The following SLC46A1 variants were observed in gnomAD, a reference collection of about 807,000 sequenced individuals.
The protein encoded by SLC46A1 is proton-coupled folate transporter.
In SLC46A1, 17 loss-of-function variants were observed where a neutral mutation model predicts 32.1. That is an observed-to-expected ratio of 0.53 (90% CI 0.36 to 0.79). The LOEUF is 0.79. SLC46A1 is among the 30% of genes least tolerant of loss of function. SLC46A1 has a pLI of 0.00. For missense variants in SLC46A1, 517 were observed against 588.2 expected, an observed-to-expected ratio of 0.88 and a Z score of 1.25; for synonymous variants, 240 against 262.7, an observed-to-expected ratio of 0.91 and a Z score of 0.84.
chr17:28,402,851 T>G (rs2068213225), intron 2 of SLC46A1: 1 of 152,778 alleles, frequency 6.5e-6, no homozygotes, highest in Non-Finnish European at 1.5e-5. Flanking sequence ...TACTACCTTA[T>G]TTGGAAAATG....
rs41297113 is a variant in SLC46A1, at chr17:28,400,488, G to A, written c.1322+122C>T. On this transcript the variant is annotated intron_variant, in intron 4 of 4. Coordinates refer to ENST00000612814, the MANE Select transcript of SLC46A1 (RefSeq NM_080669.6). ...ATCTGCAAGGAGAGGGGCAACCTGG[G>A]ACAAGACACCCAGAGGGTAAGGATT... is the stretch of plus-strand genomic sequence containing the variant. The A allele has an allele frequency of 1.6e-4, 221 of 1,377,302 alleles. No individual in the cohort carries two copies. In the African/African-American group the frequency reaches 2.8e-3, roughly 17 times the overall value. 85.3% of individuals were successfully genotyped at this position (1,377,302 alleles called of 1,614,324 possible). A position where few individuals can be genotyped will look rare whatever the true frequency, so the allele number is the denominator to read the frequency against.
In SLC46A1 at chr17:28,399,342, G is replaced by A; in HGVS notation, c.*314C>T. ...GTCCCTGAAGTGTCACCTCTCTCAGGACCTCTCCTCTGGCCTGTGGGGTTA... is the reference window on the plus strand; with the variant it reads ...GTCCCTGAAGTGTCACCTCTCTCAGAACCTCTCCTCTGGCCTGTGGGGTTA... On this transcript the variant is annotated 3_prime_UTR_variant, in exon 5 of 5. Coordinates refer to ENST00000612814, the MANE Select transcript of SLC46A1 (RefSeq NM_080669.6). 1 of 336,882 alleles carries A rather than the reference G, an allele frequency of 3.0e-6. No homozygotes were observed. The highest frequency in any genetic ancestry group is 5.6e-6 in the Non-Finnish European group (1 of 178,360). 20.9% of individuals were successfully genotyped at this position (336,882 alleles called of 1,614,324 possible).
chr17:28,406,402 C>A, upstream of SLC46A1: 1 of 378,346 alleles, frequency 2.6e-6, no homozygotes, highest in South Asian at 1.1e-4. The surrounding 1 kb of genome is among the most constrained non-coding windows in gnomAD (Gnocchi z 4.5). Context: ...CCTCCCGGCC[C>A]AGACACACCA....
chr17:28,396,224 C>T lies in SLC46A1; in HGVS notation c.*3432G>A, dbSNP rs782438923. On this transcript the variant is annotated 3_prime_UTR_variant, in exon 5 of 5. Coordinates refer to ENST00000612814, the MANE Select transcript of SLC46A1 (RefSeq NM_080669.6). ...CCGCTTCCTGCAGGGCCGCTCCTCC[C>T]GGGACTCATCTGCAGGCTCTGACAC... The T allele has an allele frequency of 1.9e-5, 31 of 1,613,900 alleles. No individual in the cohort carries two copies. The highest frequency in any genetic ancestry group is 3.3e-5 in the Admixed American group (2 of 60,008).
chr17:28,399,909 T>C, intron 4 of SLC46A1, 196 bp from the exon 5 acceptor site: 1 of 571,668 alleles, frequency 1.7e-6, no homozygotes, highest in South Asian at 2.0e-5. Context: ...TTTTTTTTTT[T>C]AAGAGACAGG....
chr17:28,400,215 T>A (rs1485421735), intron 4 of SLC46A1: 1 of 257,834 alleles, frequency 3.9e-6, no homozygotes, highest in African/African-American at 2.2e-5. Context: ...ATTCTTAATA[T>A]CATACAGGAA....
In SLC46A1 at chr17:28,405,902, C is replaced by G; in HGVS notation, c.213G>C (p.Ala71=). 3.1e-6 allele frequency: 5 copies of G among 1,597,626 alleles called. No homozygotes were observed. The highest frequency in any genetic ancestry group is 3.4e-6 in the Non-Finnish European group (4 of 1,173,314). Residue 71 remains alanine (A), a synonymous_variant, in exon 1 of 5, where the codon GCG becomes GCC. Coordinates refer to ENST00000612814, the MANE Select transcript of SLC46A1 (RefSeq NM_080669.6). The stretch of plus-strand genomic sequence containing the variant: ...GCCCCGCTACCTGCATGGTGGGGTC[C>G]GCGCTGCGGTTGCTGCAGCCCCCCC... The part of the protein sequence containing the change: ...RQRGGCSNRS[A]DPTMQEVETL...
Position 28,405,286 on chromosome 17 carries a change from C to A in SLC46A1, c.411G>T (p.Leu137=). ...GCACGAAGTAGCCGACGTGGAGCTG[C>A]AGCTGCACCACAAAAACGGACACTA... ...QALVSVFVVQ[L]QLHVGYFVLG... Residue 137 remains leucine (L), a synonymous_variant, in exon 2 of 5, where the codon CTG becomes CTT. Transcript: ENST00000612814. 1 of 1,588,450 alleles carries A rather than the reference C, an allele frequency of 6.3e-7. No individual in the cohort carries two copies. The highest frequency in any genetic ancestry group is 8.6e-7 in the Non-Finnish European group (1 of 1,168,084).
At chr17:28,405,713 A>T in intron 1 of SLC46A1, 174 bp downstream of exon 1, 1 of 964,046 alleles carries the variant, frequency 1.0e-6, no homozygotes, top group South Asian at 1.7e-5. Flanking sequence ...AGCTTTTCGC[A>T]TCCCACCCGC....
At position 28,399,483 on chromosome 17, in the gene SLC46A1, T is replaced by C. The variant is rs1273304956; in HGVS notation, c.*173A>G. The C allele has an allele frequency of 1.6e-6, 1 of 636,076 alleles. No homozygotes were observed. Among genetic ancestry groups the C allele is most frequent in the African/African-American group, 1.8e-5 (1 of 54,712 alleles). 39.4% of individuals were successfully genotyped at this position (636,076 alleles called of 1,614,324 possible). On this transcript the variant is annotated 3_prime_UTR_variant, in exon 5 of 5. Transcript: ENST00000612814. The stretch of plus-strand genomic sequence containing the variant: ...TTCTAGATCCTAGACAGAGGCTGGG[T>C]CAGCTGTGGATGGGGTGGTGCCTTG...
chr17:28,406,586 G>T (rs1484247864), upstream of SLC46A1: 1 of 154,834 alleles, frequency 6.5e-6, no homozygotes, highest in Non-Finnish European at 1.4e-5. This position sits in a 1 kb window ranked among gnomAD's most constrained non-coding sequence, Gnocchi z 4.5. Context: ...GGCAGAGCTG[G>T]AAGAGCACAT....
Position 28,399,696 on chromosome 17 carries a change from T to C in SLC46A1, c.1340A>G (p.Asp447Gly). ...AAACTGCTGGAACTCGAGGTGAGGA[T>C]CAGCCTTTTCCAGCATCCTGTGAGA... ...AVLIGMLEKA[D>G]PHLEFQQFPQ... is the part of the protein sequence containing the mutation. The change falls in exon 5 of 5, where the codon GAT becomes GGT. Residue 447 changes from aspartate (D) to glycine (G), a missense_variant. Coordinates refer to ENST00000612814, the MANE Select transcript of SLC46A1 (RefSeq NM_080669.6). 2 of 1,613,954 alleles carry C rather than the reference T, an allele frequency of 1.2e-6. No homozygotes were observed. The highest frequency in any genetic ancestry group is 1.7e-6 in the Non-Finnish European group (2 of 1,179,894).
Position 28,404,785 on chromosome 17 carries a change from G to A in SLC46A1, c.912C>T (p.Ile304=), listed in dbSNP as rs181338421. 2.5e-6 allele frequency: 4 copies of A among 1,614,020 alleles called. No homozygotes were observed. Among genetic ancestry groups the A allele is most frequent in the African/African-American group, 2.7e-5 (2 of 75,054 alleles). ...STPLCWDSKL[I]GYGSAAQHLP... ...GATGCTGAGCTGCAGAACCATAGCC[G>A]ATTAGTTTGGAGTCCCAGCAGAGGG... The change falls in exon 2 of 5, where the codon ATC becomes ATT. Residue 304 remains isoleucine (I), a synonymous_variant. Transcript: ENST00000612814.
Position 28,404,841 on chromosome 17 carries a change from C to T in SLC46A1, c.856G>A (p.Asp286Asn). ...VVITVHFGAQ[D>N]ILTLYELSTP... ...CTTAGTTCATAAAGGGTTAAGATGT[C>T]CTGGGCCCCAAAGTGCACAGTGATC... Residue 286 changes from aspartate to asparagine, a missense_variant, in exon 2 of 5, where the codon GAC becomes AAC. Transcript: ENST00000612814. 6.2e-7 allele frequency: 1 copy of T among 1,613,966 alleles called. No individual in the cohort carries two copies.
At position 28,405,956 on chromosome 17, in the gene SLC46A1, G is replaced by A. The variant is rs1555591310; in HGVS notation, c.159C>T (p.Ala53=). 2.5e-6 allele frequency: 4 copies of A among 1,611,340 alleles called. No individual in the cohort carries two copies. Among genetic ancestry groups the A allele is most frequent in the Non-Finnish European group, 3.4e-6 (4 of 1,179,230 alleles). The change falls in exon 1 of 5, where the codon GCC becomes GCT. Residue 53 remains alanine (A), a synonymous_variant. Transcript: ENST00000612814. ...GGCGGGTGCCATTGTAGCCGAGGTC[G>A]GCGCTGAAGCGGTGCCACAGATACT... ...TTQYLWHRFS[A]DLGYNGTRQR...
chr17:28,405,643 G>A (rs1262726481), intron 1 of SLC46A1, 175 bp from the exon 2 acceptor site: 1 of 1,047,352 alleles, frequency 9.5e-7, no homozygotes, highest in Non-Finnish European at 1.4e-6. Context: ...CATGGACCAA[G>A]GCCCCATTCC....
Position 28,403,334 on chromosome 17 carries a change from C to T in SLC46A1, c.1082-1013G>A, listed in dbSNP as rs542439851. ...CATAGGGACACAGCAAATGGGAGTTCCTTTTCCCTTTGCATTCAGTTACTT... is the reference window on the plus strand; with the variant it reads ...CATAGGGACACAGCAAATGGGAGTTTCTTTTCCCTTTGCATTCAGTTACTT... On this transcript the variant is annotated intron_variant, in intron 2 of 4. Transcript: ENST00000612814. 2.6e-5 allele frequency: 4 copies of T among 152,358 alleles called. No individual in the cohort carries two copies. In the South Asian group the frequency reaches 8.3e-4, roughly 32 times the overall value. The allele number at this position is 152,358 out of a possible 1,614,324, so 9.4% of individuals were successfully genotyped here.
chr17:28,396,971 C>T lies in SLC46A1; in HGVS notation c.*2685G>A, dbSNP rs1331794138. 3 of 152,442 alleles carry T rather than the reference C, an allele frequency of 2.0e-5. No individual in the cohort carries two copies. Among genetic ancestry groups the T allele is most frequent in the African/African-American group, 7.2e-5 (3 of 41,462 alleles). The allele number at this position is 152,442 out of a possible 1,614,324, so 9.4% of individuals were successfully genotyped here. A position where few individuals can be genotyped will look rare whatever the true frequency, so the allele number is the denominator to read the frequency against. On this transcript the variant is annotated 3_prime_UTR_variant, in exon 5 of 5. Transcript: ENST00000612814. ...CTTGTCACTGCAGCCAGCTTTGCTG[C>T]ACTTGCTGGTGCACAGGAGCCTCCT...
chr17:28,405,807 T>C, intron 1 of SLC46A1, 80 bp downstream of exon 1: 2 of 1,418,194 alleles, frequency 1.4e-6, no homozygotes, highest in East Asian at 2.5e-5. Context: ...CCACTACCAT[T>C]ACGCAGGCCC....
Sources: allele counts gnomAD v4.1 joint callset, GRCh38; gene constraint gnomAD v4.1.1; non-coding constraint Gnocchi (gnomAD v3.1); transcripts MANE v1.5; gene names NCBI Gene and HGNC (gene_info 2026-07-23, HGNC 2026-07-21).